Variants in XXYLT1 observed in about 807,000 individuals in gnomAD.
XXYLT1 encodes the protein xyloside xylosyltransferase 1, also known as UDP-xylose:alpha-xyloside alpha-1,3-xylosyltransferase.
Under a neutral mutation model 28.9 loss-of-function variants are expected in XXYLT1, and 20 were observed. The ratio of observed to expected loss-of-function variants is 0.69; its 90% CI spans 0.49 to 1.00. The LOEUF (loss-of-function observed/expected upper bound fraction) is 1.00. Ranked by LOEUF, XXYLT1 falls within the 50% of genes least tolerant of loss-of-function variation. The pLI is 0.00. For missense variants in XXYLT1, 542 were observed against 560.1 expected, an observed-to-expected ratio of 0.97 and a Z score of 0.33; for synonymous variants, 257 against 253.8, an observed-to-expected ratio of 1.01 and a Z score of -0.12.
At chr3:195,200,356 C>G (rs1021807509) in intron 2 of XXYLT1, among the ~76,000 whole-genome samples, 5 of 152,218 alleles carry the variant, frequency 3.3e-5, no homozygotes, top group Non-Finnish European at 5.9e-5. Flanking sequence ...GGATAAATGA[C>G]CATTCCCACT....
At chr3:195,148,506 C>T (rs949939400) in intron 3 of XXYLT1, among the ~76,000 whole-genome samples, 3 of 151,918 alleles carry the variant, frequency 2.0e-5, no homozygotes, top group African/African-American at 4.8e-5. Flanking sequence ...GTCAGAGAGA[C>T]GAAAAGAACC....
intron 3 of XXYLT1, among the ~76,000 whole-genome samples, chr3:195,128,856 A>C (rs1718765399): frequency 6.6e-6 from 1 of 152,204 alleles, no homozygotes; most frequent in Non-Finnish European, 1.5e-5. Flanking sequence ...AAACACTGGT[A>C]CACAATAAAT....
chr3:195,136,059 C>G (rs947288240), intron 3 of XXYLT1, among the ~76,000 whole-genome samples: 6 of 152,188 alleles, frequency 3.9e-5, no homozygotes, highest in African/African-American at 1.4e-4. Context: ...AGTCTGAGAG[C>G]AGCCATGCAC....
chr3:195,142,307 T>C (rs78440250), intron 3 of XXYLT1, among the ~76,000 whole-genome samples: 2,539 of 152,354 alleles, frequency 0.017, 70 homozygotes, highest in African/African-American at 0.058. Context: ...ATGTTTATCT[T>C]TACTTACTAT....
chr3:195,114,126 A>C (rs953355103), intron 3 of XXYLT1, among the ~76,000 whole-genome samples: 1 of 152,212 alleles, frequency 6.6e-6, no homozygotes, highest in African/African-American at 2.4e-5. Context: ...CAATTAAGGA[A>C]GCAGGATGAT....
intron 2 of XXYLT1, among the ~76,000 whole-genome samples, chr3:195,174,689 CTCCCT>C (rs1306083138): frequency 3.3e-4 from 44 of 132,214 alleles, no homozygotes; most frequent in African/African-American, 1.2e-3. Flanking sequence ...TCCCCCCTCC[CTCCCT>C]TCCCTTCCCT....
At chr3:195,175,530 G>GT (rs1721621624) in intron 2 of XXYLT1, 1 of 1,517,796 alleles carries the variant, frequency 6.6e-7, no homozygotes, top group Admixed American at 2.0e-5. Flanking sequence ...CCCATGGGCT[G>GT]TTCAGATGGA....
intron 3 of XXYLT1, among the ~76,000 whole-genome samples, chr3:195,108,110 C>G (rs1012440090): frequency 5.9e-5 from 9 of 152,226 alleles, no homozygotes; most frequent in African/African-American, 2.2e-4. Context: ...TACAGAGAGA[C>G]CTAGGTGACC....
chr3:195,251,248 C>A (rs1560175553), intron 1 of XXYLT1, among the ~76,000 whole-genome samples: 1 of 152,238 alleles, frequency 6.6e-6, no homozygotes, highest in East Asian at 1.9e-4. Context: ...AAAGCAGAGA[C>A]CACTTGCTAA....
At chr3:195,121,190 C>G (rs377167419) in intron 3 of XXYLT1, among the ~76,000 whole-genome samples, 1 of 152,228 alleles carries the variant, frequency 6.6e-6, no homozygotes, top group Admixed American at 6.5e-5. Flanking sequence ...GCCGCCCAGC[C>G]ATTGAGAGGT....
intron 1 of XXYLT1, among the ~76,000 whole-genome samples, chr3:195,228,990 T>C (rs1234429145): frequency 6.6e-6 from 1 of 151,892 alleles, no homozygotes; most frequent in Non-Finnish European, 1.5e-5. Flanking sequence ...TTCTTCTACT[T>C]TTAGTAGAGA....
chr3:195,224,941 A>G (rs951556307), intron 2 of XXYLT1, among the ~76,000 whole-genome samples: 1 of 152,224 alleles, frequency 6.6e-6, no homozygotes, highest in Non-Finnish European at 1.5e-5. Context: ...AGAATCTAGA[A>G]CAGAACCACG....
At chr3:195,143,883 TATATA>T (rs1719685247) in intron 3 of XXYLT1, among the ~76,000 whole-genome samples, 4 of 128,300 alleles carry the variant, frequency 3.1e-5, no homozygotes, top group East Asian at 3.3e-4. Context: ...TATATATATA[TATATA>T]TTTATTTTTT....
intron 2 of XXYLT1, among the ~76,000 whole-genome samples, chr3:195,169,224 G>A (rs756662407): frequency 1.1e-4 from 17 of 152,262 alleles, no homozygotes; most frequent in African/African-American, 3.9e-4. Flanking sequence ...ATGAGCTCAC[G>A]TGGGCTCTCC....
intron 3 of XXYLT1, among the ~76,000 whole-genome samples, chr3:195,119,339 A>C (rs1718223048): frequency 6.6e-6 from 1 of 152,042 alleles, no homozygotes; most frequent in African/African-American, 2.4e-5. Flanking sequence ...TGATATAAAA[A>C]TCCAATAAGG....
intron 2 of XXYLT1, among the ~76,000 whole-genome samples, chr3:195,219,994 A>G (rs559211884): frequency 6.6e-6 from 1 of 152,170 alleles, no homozygotes; most frequent in South Asian, 2.1e-4. Context: ...ACTCCCATAG[A>G]TCTCCGCAGG....
intron 1 of XXYLT1, among the ~76,000 whole-genome samples, chr3:195,227,685 T>C (rs973655772): frequency 2.2e-4 from 33 of 152,172 alleles, no homozygotes; most frequent in Non-Finnish European, 8.8e-5. Flanking sequence ...AGGTTACACT[T>C]GCAGCAAGTC....
intron 1 of XXYLT1, among the ~76,000 whole-genome samples, chr3:195,261,204 G>A (rs1450540701): frequency 3.3e-5 from 5 of 152,316 alleles, no homozygotes; most frequent in African/African-American, 9.6e-5. Context: ...AGGCGGAGGC[G>A]GGCGGATCAC....
chr3:195,106,293 G>T (rs1465873578), intron 3 of XXYLT1, among the ~76,000 whole-genome samples: 2 of 149,418 alleles, frequency 1.3e-5, no homozygotes, highest in South Asian at 4.2e-4. Context: ...GTTTTTGACG[G>T]AGAGATGCTC....
Sources: allele counts gnomAD v4.1 joint callset (sites outside exome capture counted in the v4.1 genomes callset), GRCh38; gene constraint gnomAD v4.1.1; transcripts MANE v1.5; gene names NCBI Gene and HGNC (gene_info 2026-07-23, HGNC 2026-07-21).